Variants in TOX3 observed in about 807,000 individuals in gnomAD.
TOX3 encodes the protein CAG trinucleotide repeat-containing gene F9 protein.
In TOX3, 22 loss-of-function variants were observed where a neutral mutation model predicts 64.3. The observed-to-expected ratio is 0.34, with a 90% CI of 0.24 to 0.49. The LOEUF (loss-of-function observed/expected upper bound fraction) is 0.49, where lower values mean the gene tolerates loss of function less well. Among genes scored for constraint, TOX3 ranks in the 20% least tolerant of loss-of-function variants. The pLI, the probability that TOX3 is intolerant of heterozygous loss-of-function variation, is 0.99. For missense variants in TOX3, 661 were observed against 714.4 expected (o/e 0.93, Z 0.85); for synonymous variants, 291 against 273.6 (o/e 1.06, Z -0.63).
Position 52,437,961 on chromosome 16 carries a change from T to G in TOX3, c.*1264A>C, listed in dbSNP as rs551962457. ...GTTTGGGCTAAAACGAAACTTGGTA[T>G]GTGGCATATTTCCCCATCTTACATG... On this transcript the variant is annotated 3_prime_UTR_variant, in exon 7 of 7. Coordinates refer to ENST00000219746, the MANE Select transcript of TOX3 (RefSeq NM_001080430.4). The G allele has an allele frequency of 2.0e-4, 30 of 152,732 alleles. No homozygotes were observed. Among genetic ancestry groups the G allele is most frequent in the Non-Finnish European group, 3.7e-4 (25 of 68,032 alleles). The allele number at this position is 152,732 out of a possible 1,614,324, so 9.5% of individuals were successfully genotyped here. A position where few individuals can be genotyped will look rare whatever the true frequency, so the allele number is the denominator to read the frequency against.
At chr16:52,500,492 A>C (rs1027031243) in intron 1 of TOX3, among the ~76,000 whole-genome samples, 10 of 152,230 alleles carry the variant, frequency 6.6e-5, no homozygotes, top group Non-Finnish European at 1.3e-4. Flanking sequence ...ATATTTCCCA[A>C]GCTGGGTACC....
At chr16:52,528,269 C>T (rs1486497210) in intron 1 of TOX3, among the ~76,000 whole-genome samples, 2 of 152,138 alleles carry the variant, frequency 1.3e-5, no homozygotes, top group African/African-American at 4.8e-5. Flanking sequence ...AGTTATAGTG[C>T]ATATTTACAA....
Position 52,464,964 on chromosome 16 carries a change from G to A in TOX3, c.154-776C>T, listed in dbSNP as rs550629090. Reference sequence around the variant, plus strand: ...ATTTGATGCTGTTCGCTTACTTAGAGAAGTATTATATCTCAAGACCTAAGT... The same window carrying A: ...ATTTGATGCTGTTCGCTTACTTAGAAAAGTATTATATCTCAAGACCTAAGT... On this transcript the variant is annotated intron_variant, in intron 2 of 6. Coordinates refer to ENST00000219746, the MANE Select transcript of TOX3 (RefSeq NM_001080430.4). Among the ~76,000 whole-genome samples, 104 of 141,910 alleles carry A rather than the reference G, an allele frequency of 7.3e-4. No homozygotes were observed. In the South Asian group the frequency reaches 0.024, roughly 32 times the overall value. 93.1% of individuals were successfully genotyped at this position (141,910 alleles called of 152,430 possible). A position where few individuals can be genotyped will look rare whatever the true frequency, so the allele number is the denominator to read the frequency against.
At chr16:52,451,195 G>A (rs1315568559) in intron 3 of TOX3, among the ~76,000 whole-genome samples, 1 of 152,206 alleles carries the variant, frequency 6.6e-6, no homozygotes, top group Non-Finnish European at 1.5e-5. Flanking sequence ...GAATTACATT[G>A]TCAGCGGCAT....
chr16:52,544,242 C>A (rs546612994), intron 1 of TOX3, among the ~76,000 whole-genome samples: 1 of 152,292 alleles, frequency 6.6e-6, no homozygotes, highest in Admixed American at 6.5e-5. Flanking sequence ...CCACTTCAGA[C>A]ACACAAATTA....
intron 1 of TOX3, among the ~76,000 whole-genome samples, chr16:52,540,301 C>T (rs1963049472): frequency 6.6e-6 from 1 of 151,240 alleles, no homozygotes; most frequent in Admixed American, 6.6e-5. Context: ...TAGCTGGGAC[C>T]ACAGGTATGT....
intron 1 of TOX3, among the ~76,000 whole-genome samples, chr16:52,514,565 AAAGGCTTGTG>A (rs1349735278): frequency 6.6e-6 from 1 of 152,230 alleles, no homozygotes; most frequent in Admixed American, 6.5e-5. Flanking sequence ...AATAGAGCCG[AAAGGCTTGTG>A]AAGGCTATGG....
At chr16:52,532,316 G>A (rs1962868365) in intron 1 of TOX3, among the ~76,000 whole-genome samples, 1 of 152,192 alleles carries the variant, frequency 6.6e-6, no homozygotes, top group Admixed American at 6.5e-5. Flanking sequence ...CCAGTAGAAT[G>A]TAGTAGAAGG....
chr16:52,483,552 C>A (rs7203597), intron 1 of TOX3, among the ~76,000 whole-genome samples: 3,613 of 143,830 alleles, frequency 0.025, 125 homozygotes, highest in East Asian at 0.19. Flanking sequence ...CTCTATTAGA[C>A]AGGGCAGTTT....
intron 3 of TOX3, 89 bp downstream of exon 3, chr16:52,463,845 G>A: frequency 7.0e-7 from 1 of 1,425,424 alleles, no homozygotes; most frequent in Non-Finnish European, 9.3e-7. Context: ...GAACAGGCAA[G>A]AGCACGTTTC....
intron 1 of TOX3, among the ~76,000 whole-genome samples, chr16:52,516,660 A>G (rs909715910): frequency 2.0e-5 from 3 of 152,250 alleles, no homozygotes; most frequent in Non-Finnish European, 4.4e-5. Context: ...TGATATATCT[A>G]AACATTTATG....
chr16:52,479,977 G>T (rs1261900698), intron 1 of TOX3, among the ~76,000 whole-genome samples: 1 of 152,174 alleles, frequency 6.6e-6, no homozygotes, highest in Non-Finnish European at 1.5e-5. Context: ...AGCTGGACTG[G>T]ATTCTCCTCC....
At chr16:52,454,156 C>T (rs1008542132) in intron 3 of TOX3, among the ~76,000 whole-genome samples, 6 of 152,014 alleles carry the variant, frequency 3.9e-5, no homozygotes, top group African/African-American at 1.4e-4. Flanking sequence ...ACTCTGGGAT[C>T]TCCACTGCCA....
chr16:52,530,348 T>G (rs929270606), intron 1 of TOX3, among the ~76,000 whole-genome samples: 1 of 152,070 alleles, frequency 6.6e-6, no homozygotes, highest in African/African-American at 2.4e-5. Context: ...CCACTTTTTT[T>G]TTTTTTGAGA....
chr16:52,517,066 C>G (rs759224619), intron 1 of TOX3, among the ~76,000 whole-genome samples: 1 of 152,142 alleles, frequency 6.6e-6, no homozygotes, highest in East Asian at 1.9e-4. Flanking sequence ...CCTATAAAAT[C>G]TACACACATA....
At chr16:52,451,492 T>C (rs1240626100) in intron 3 of TOX3, among the ~76,000 whole-genome samples, 1 of 152,120 alleles carries the variant, frequency 6.6e-6, no homozygotes, top group Admixed American at 6.5e-5. Context: ...TGAAGACATG[T>C]TTTTCAAATG....
chr16:52,533,096 G>A (rs981431128), intron 1 of TOX3, among the ~76,000 whole-genome samples: 1 of 152,202 alleles, frequency 6.6e-6, no homozygotes, highest in Non-Finnish European at 1.5e-5. Context: ...TGGAACCCTA[G>A]GTAAAGATTA....
chr16:52,499,042 G>A (rs984517041), intron 1 of TOX3, among the ~76,000 whole-genome samples: 6 of 152,076 alleles, frequency 3.9e-5, no homozygotes, highest in Admixed American at 3.9e-4. Context: ...CTATTTCAAC[G>A]GCATAATAAG....
chr16:52,510,145 A>T (rs1156298495), intron 1 of TOX3, among the ~76,000 whole-genome samples: 1 of 81,580 alleles, frequency 1.2e-5, no homozygotes, highest in East Asian at 3.1e-4. Context: ...CCTTGCTGTT[A>T]AAAAAAAAAA....
Sources: gnomAD v4.1 joint callset for allele counts (sites outside exome capture counted in the v4.1 genomes callset) on GRCh38, gnomAD v4.1.1 for gene constraint, MANE v1.5 for transcripts, NCBI Gene and HGNC (gene_info 2026-07-23, HGNC 2026-07-21) for gene names.